Variants in SH3YL1 observed in about 807,000 individuals in gnomAD.
The protein encoded by SH3YL1 is SH3 domain-containing YSC84-like protein 1.
Under a neutral mutation model 45.8 loss-of-function variants are expected in SH3YL1, and 41 were observed. That is an observed-to-expected ratio of 0.89 (90% CI 0.70 to 1.16). The LOEUF is 1.16. Ranked by LOEUF, SH3YL1 falls within the 50% of genes most tolerant of loss-of-function variation. The pLI is 0.00. For missense variants in SH3YL1, 389 were observed against 409.6 expected, an observed-to-expected ratio of 0.95 and a Z score of 0.43; for synonymous variants, 152 against 151.4, an observed-to-expected ratio of 1.00 and a Z score of -0.03.
intron 4 of SH3YL1, among the ~76,000 whole-genome samples, chr2:235,917 C>T (rs1239387263): frequency 5.6e-5 from 2 of 35,700 alleles, no homozygotes; most frequent in African/African-American, 2.7e-4. Flanking sequence ...GCAGCATGGG[C>T]CAGGGGAGGC....
At chr2:245,207 T>C (rs779316922) in intron 4 of SH3YL1, among the ~76,000 whole-genome samples, 19 of 152,160 alleles carry the variant, frequency 1.2e-4, no homozygotes, top group Admixed American at 2.0e-4. Context: ...CGCAGAGACT[T>C]ATCTGTGGGG....
intron 4 of SH3YL1, chr2:242,174 A>G (rs1668573651): frequency 6.6e-6 from 1 of 152,114 alleles, no homozygotes; most frequent in Non-Finnish European, 1.5e-5. Flanking sequence ...ACCAGATGGT[A>G]ACCTGAATGA....
intron 4 of SH3YL1, among the ~76,000 whole-genome samples, chr2:236,798 A>C (rs1315247587): frequency 6.6e-6 from 1 of 152,226 alleles, no homozygotes; most frequent in Non-Finnish European, 1.5e-5. Flanking sequence ...TGTTATAACC[A>C]AATGAGATTA....
chr2:248,890 G>C (rs1287472009), intron 3 of SH3YL1, among the ~76,000 whole-genome samples: 4 of 152,150 alleles, frequency 2.6e-5, no homozygotes, highest in African/African-American at 9.7e-5. Flanking sequence ...ACATAATAAG[G>C]AAGAGGTTTT....
At chr2:253,604 A>G (rs533101423) in intron 1 of SH3YL1, among the ~76,000 whole-genome samples, 60 of 152,350 alleles carry the variant, frequency 3.9e-4, no homozygotes, top group African/African-American at 1.3e-3. Context: ...TTTTCCAGAA[A>G]ACTCACGAAT....
chr2:227,955 A>C (rs980788844), intron 8 of SH3YL1, among the ~76,000 whole-genome samples: 1 of 152,172 alleles, frequency 6.6e-6, no homozygotes, highest in Non-Finnish European at 1.5e-5. Context: ...TTAAATAAAG[A>C]ACTTAAGAAA....
At chr2:223,236 T>TA (rs530080575) in intron 9 of SH3YL1, among the ~76,000 whole-genome samples, 395 of 152,306 alleles carry the variant, frequency 2.6e-3, no homozygotes, top group African/African-American at 9.2e-3. Flanking sequence ...ACAGCCCACT[T>TA]AGAGTTTAAT....
At chr2:242,655 T>C (rs1668591855) in intron 4 of SH3YL1, 3 of 1,122,318 alleles carry the variant, frequency 2.7e-6, no homozygotes, top group Non-Finnish European at 3.5e-6. Flanking sequence ...TCCAATGATA[T>C]CAATAATCTA....
intron 4 of SH3YL1, among the ~76,000 whole-genome samples, chr2:235,753 T>C (rs370945264): frequency 0.07 from 493 of 7,076 alleles, 21 homozygotes; most frequent in Non-Finnish European, 0.097. Context: ...GCAGCATGGG[T>C]CAGGGGAGGC....
intron 4 of SH3YL1, 85 bp from the exon 5 acceptor site, chr2:234,357 A>G (rs1465549113): frequency 1.1e-6 from 1 of 935,722 alleles, no homozygotes; most frequent in Non-Finnish European, 1.6e-6. Flanking sequence ...CAACTACACC[A>G]TATGCACTGT....
At chr2:238,865 A>C (rs1237791092) in intron 4 of SH3YL1, among the ~76,000 whole-genome samples, 5 of 152,214 alleles carry the variant, frequency 3.3e-5, no homozygotes, top group Non-Finnish European at 7.3e-5. Flanking sequence ...AGATACACGT[A>C]TTCAGTCACT....
Position 253,084 on chromosome 2 carries a change from TG to T in SH3YL1, c.32del (p.Ser11Ter). 2 of 1,547,434 alleles carry T rather than the reference TG, an allele frequency of 1.3e-6. No individual in the cohort carries two copies. The highest frequency in any genetic ancestry group is 1.7e-6 in the Non-Finnish European group (2 of 1,143,274). MNNPIPSNLK[S>X]EAKKAAKILR... is the part of the protein sequence containing the mutation. ...ATATTTTGGCAGCCTTTTTTGCTTCTGATTTCAAATTGGAAGGTATAGGGTT... is the reference window on the plus strand; with the variant it reads ...ATATTTTGGCAGCCTTTTTTGCTTCTATTTCAAATTGGAAGGTATAGGGTT... On this transcript the variant is annotated frameshift_variant, in exon 2 of 10. Transcript: ENST00000356150. LOFTEE classifies it high-confidence loss of function.
chr2:223,071 T>G (rs1462485770), intron 9 of SH3YL1: 1 of 152,244 alleles, frequency 6.6e-6, no homozygotes, highest in Non-Finnish European at 1.5e-5. Flanking sequence ...AAAGGAATAT[T>G]AACTCAGTTG....
chr2:222,981 A>C (rs1344891478), intron 9 of SH3YL1: 1 of 152,246 alleles, frequency 6.6e-6, no homozygotes, highest in African/African-American at 2.4e-5. Context: ...TCCGTAACGT[A>C]AAGTGAGTTT....
chr2:227,435 G>A (rs1044968085), intron 8 of SH3YL1, among the ~76,000 whole-genome samples: 1 of 152,228 alleles, frequency 6.6e-6, no homozygotes, highest in African/African-American at 2.4e-5. Flanking sequence ...ATCAATAGGA[G>A]AGTGAATGAG....
intron 9 of SH3YL1, 71 bp downstream of exon 9, chr2:224,793 A>C (rs936973942): frequency 1.8e-5 from 20 of 1,103,884 alleles, no homozygotes; most frequent in Non-Finnish European, 2.8e-5. Flanking sequence ...ATAACCTGTC[A>C]GATTAATTAG....
chr2:263,959 G>A, intron 1 of SH3YL1, 25 bp downstream of exon 1: 1 of 1,505,718 alleles, frequency 6.6e-7, no homozygotes, highest in Non-Finnish European at 8.9e-7. Flanking sequence ...GGTGCTGCCG[G>A]ACAGGTGGGT....
intron 6 of SH3YL1, among the ~76,000 whole-genome samples, chr2:231,815 C>T (rs1055588317): frequency 6.6e-6 from 1 of 152,222 alleles, no homozygotes; most frequent in African/African-American, 2.4e-5. Context: ...GGAGTTAACA[C>T]ATCACTTTTG....
At chr2:238,203 T>C (rs566776804) in intron 4 of SH3YL1, among the ~76,000 whole-genome samples, 1 of 152,112 alleles carries the variant, frequency 6.6e-6, no homozygotes, top group South Asian at 2.1e-4. Flanking sequence ...CCTTGGAGCC[T>C]GCCCCAATCT....
Sources: gnomAD v4.1 joint callset for allele counts (sites outside exome capture counted in the v4.1 genomes callset) on GRCh38, gnomAD v4.1.1 for gene constraint, MANE v1.5 for transcripts, NCBI Gene and HGNC (gene_info 2026-07-23, HGNC 2026-07-21) for gene names.